EPHA6: variants seen among roughly 807,000 people sequenced by gnomAD.
EPHA6 encodes ephrin type-A receptor 6.
In EPHA6, 50 loss-of-function variants were observed where a neutral mutation model predicts 112.0. The ratio of observed to expected loss-of-function variants is 0.45; its 90% confidence interval spans 0.36 to 0.56. The LOEUF (loss-of-function observed/expected upper bound fraction) is 0.56. Among genes scored for constraint, EPHA6 ranks in the 20% least tolerant of loss-of-function variants. The pLI, the probability that EPHA6 is intolerant of heterozygous loss-of-function variation, is 0.00. For missense variants in EPHA6, 1,280 were observed against 1,417.4 expected (o/e 0.90, Z 1.56); for synonymous variants, 529 against 490.7 (o/e 1.08, Z -1.03).
intron 15 of EPHA6, among the ~76,000 whole-genome samples, chr3:97,730,441 A>G (rs911173842): frequency 2.6e-5 from 4 of 152,104 alleles, no homozygotes; most frequent in African/African-American, 7.2e-5. Flanking sequence ...AGTCATTTTC[A>G]TATTTTTCAC....
chr3:96,827,651 A>G (rs1411217137), intron 1 of EPHA6, among the ~76,000 whole-genome samples: 1 of 152,160 alleles, frequency 6.6e-6, no homozygotes, highest in Non-Finnish European at 1.5e-5. Flanking sequence ...GACAAGGAAA[A>G]GGCAGGCCAA....
intron 3 of EPHA6, among the ~76,000 whole-genome samples, chr3:97,017,241 C>T (rs1412028395): frequency 6.6e-6 from 1 of 152,158 alleles, no homozygotes; most frequent in African/African-American, 2.4e-5. Context: ...GATGGCACAC[C>T]TCTTCCATTC....
chr3:97,750,668 A>G lies in EPHA6; in HGVS notation c.*1967A>G, dbSNP rs965528805. Among the ~76,000 whole-genome samples, 1 of 151,822 alleles carries G rather than the reference A, an allele frequency of 6.6e-6. No homozygotes were observed. The highest frequency in any genetic ancestry group is 2.4e-5 in the African/African-American group (1 of 41,318). ...CCGCGCCTGGCCATTTTTTTCTTAT[A>G]TTTAGATTTTGTTGATCGTCCCATT... On this transcript the variant is annotated 3_prime_UTR_variant, in exon 18 of 18. Transcript: ENST00000389672.
chr3:97,167,836 A>G (rs75783861), intron 3 of EPHA6, among the ~76,000 whole-genome samples: 2 of 151,894 alleles, frequency 1.3e-5, no homozygotes, highest in South Asian at 4.2e-4. Flanking sequence ...TGGAATCCAA[A>G]TATTCTTAAA....
intron 3 of EPHA6, among the ~76,000 whole-genome samples, chr3:97,006,018 C>T (rs540844475): frequency 1.3e-5 from 2 of 152,232 alleles, no homozygotes; most frequent in African/African-American, 2.4e-5. Context: ...ATTCGGTTTG[C>T]CAGTATTTTA....
In EPHA6 at chr3:97,626,987, TA is replaced by T. The variant is rs557953802; in HGVS notation, c.2575-10884del. Among the ~76,000 whole-genome samples the T allele has an allele frequency of 2.7e-3, 409 of 152,010 alleles. 4 individuals carry two copies. The highest frequency in any genetic ancestry group is 9.0e-3 in the African/African-American group (373 of 41,542). On this transcript the variant is annotated intron_variant, in intron 13 of 17. Transcript: ENST00000389672. ...AATATACTTAATAAACTAATGTAAC[TA>T]ACATTTACATGTGCTTTCTATGGGT... is the stretch of plus-strand genomic sequence containing the variant.
chr3:96,958,693 T>TA (rs1655851076), intron 2 of EPHA6, among the ~76,000 whole-genome samples: 2 of 152,176 alleles, frequency 1.3e-5, no homozygotes, highest in African/African-American at 4.8e-5. Context: ...TAGATTTACC[T>TA]ATAGTTGGCA....
At chr3:97,134,706 A>C (rs1032262489) in intron 3 of EPHA6, among the ~76,000 whole-genome samples, 3 of 152,188 alleles carry the variant, frequency 2.0e-5, no homozygotes, top group African/African-American at 4.8e-5. Context: ...AAAATGCATC[A>C]TTATGATTTT....
chr3:97,592,684 A>G lies in EPHA6; in HGVS notation c.2459A>G (p.Gln820Arg). ...AGGGCAGGGTTTTTAAATAGCATCC[A>G]GGCCCCGCATCCAGTGCCAGGGGGA... ...FLRAGFLNSI[Q>R]APHPVPGGGS... Residue 820 changes from glutamine (Q) to arginine (R), a missense_variant, in exon 12 of 18, where the codon CAG becomes CGG. Physicochemically the swap from Gln to Arg is conservative, Grantham distance 43. This residue lies in a region of EPHA6 where 878 missense variants were observed against 999.7 expected (regional missense o/e 0.88). Coordinates refer to ENST00000389672, the MANE Select transcript of EPHA6 (RefSeq NM_001080448.3). 1 of 1,612,460 alleles carries G rather than the reference A, an allele frequency of 6.2e-7. No homozygotes were observed. The highest frequency in any genetic ancestry group is 8.5e-7 in the Non-Finnish European group (1 of 1,179,474).
At chr3:97,272,920 G>A (rs949395889) in intron 5 of EPHA6, among the ~76,000 whole-genome samples, 3 of 151,972 alleles carry the variant, frequency 2.0e-5, no homozygotes, top group East Asian at 3.9e-4. Flanking sequence ...GTGTTGGGAC[G>A]GCAAAAATTT....
chr3:97,668,986 A>C (rs759536107), intron 14 of EPHA6, among the ~76,000 whole-genome samples: 22 of 147,292 alleles, frequency 1.5e-4, no homozygotes, highest in Admixed American at 9.0e-4. Flanking sequence ...TAACATTCTG[A>C]CATTCATTAT....
rs185174457 is a variant in EPHA6 at position 96,985,100 on chromosome 3, C to G, written c.451-2230C>G. ...GAGCCCCATTGAGATGAACCCGGTA[C>G]CTCAGTTGGAAATGTAGAAATCACC... is the stretch of plus-strand genomic sequence containing the variant. On this transcript the variant is annotated intron_variant, in intron 2 of 17. Transcript: ENST00000389672. 4.9e-3 allele frequency among the ~76,000 whole-genome samples: 747 copies of G among 152,232 alleles called. 8 individuals carry two copies. Among genetic ancestry groups the G allele is most frequent in the African/African-American group, 0.017 (686 of 41,552 alleles).
intron 3 of EPHA6, among the ~76,000 whole-genome samples, chr3:97,058,061 TA>T (rs2045905413): frequency 6.6e-6 from 1 of 152,162 alleles, no homozygotes; most frequent in African/African-American, 2.4e-5. Context: ...AAAGTGAAAA[TA>T]ATTTATAGTA....
intron 15 of EPHA6, among the ~76,000 whole-genome samples, chr3:97,722,323 T>C (rs2034566775): frequency 6.6e-6 from 1 of 152,230 alleles, no homozygotes; most frequent in Non-Finnish European, 1.5e-5. Flanking sequence ...TTCTAGGAAC[T>C]AGGCTTTCAC....
chr3:96,853,917 C>T (rs577224023), intron 1 of EPHA6, among the ~76,000 whole-genome samples: 1 of 152,042 alleles, frequency 6.6e-6, no homozygotes, highest in South Asian at 2.1e-4. Flanking sequence ...GCTATTCCCT[C>T]TCCAATGTAC....
intron 16 of EPHA6, among the ~76,000 whole-genome samples, chr3:97,747,205 C>G (rs1440050045): frequency 1.3e-5 from 2 of 151,722 alleles, no homozygotes; most frequent in Non-Finnish European, 2.9e-5. Context: ...GCAAAAAACA[C>G]AAAAAGACAA....
chr3:97,138,739 A>T (rs953602848), intron 3 of EPHA6, among the ~76,000 whole-genome samples: 4 of 152,206 alleles, frequency 2.6e-5, no homozygotes, highest in African/African-American at 9.6e-5. Flanking sequence ...CTGTTGTGGC[A>T]TGGGGGCTGA....
At position 96,920,345 on chromosome 3, in the gene EPHA6, A is replaced by G. The variant is rs2039694446; in HGVS notation, c.450+53456A>G. Among the ~76,000 whole-genome samples, 5 of 152,114 alleles carry G rather than the reference A, an allele frequency of 3.3e-5. No individual in the cohort carries two copies. The South Asian group carries it at 1.0e-3, about 31-fold the overall frequency. On this transcript the variant is annotated intron_variant, in intron 2 of 17. Transcript: ENST00000389672. ...AGGGCATAACATTCATCTGTCTATT[A>G]GAAAAATGCCCTTATATTATACTAC...
rs537875087 is a variant in EPHA6, at chr3:97,544,536, C to T, written c.2386+11993C>T. ...TTTTTGCATCGATGTTCATCAAGGA[C>T]ATTGGTCTAAAATTCTCTTTTTTTG... On this transcript the variant is annotated intron_variant, in intron 11 of 17. Coordinates refer to ENST00000389672, the MANE Select transcript of EPHA6 (RefSeq NM_001080448.3). Among the ~76,000 whole-genome samples, 28 of 152,192 alleles carry T rather than the reference C, an allele frequency of 1.8e-4. No homozygotes were observed. The East Asian group carries it at 4.6e-3, about 25-fold the overall frequency.
Sources: gnomAD v4.1 joint callset for allele counts (sites outside exome capture counted in the v4.1 genomes callset) on GRCh38, gnomAD v4.1.1 for gene constraint, gnomAD v4.1.1 regional missense constraint, MANE v1.5 for transcripts, NCBI Gene and HGNC (gene_info 2026-07-23, HGNC 2026-07-21) for gene names.